Variants in STK3 observed in about 807,000 individuals in gnomAD.
The protein encoded by STK3 is serine/threonine-protein kinase 3.
In STK3, 41 loss-of-function variants were observed where a neutral mutation model predicts 58.0. The ratio of observed to expected loss-of-function variants is 0.71; its 90% CI spans 0.55 to 0.92. STK3 has a LOEUF of 0.92. Ranked by LOEUF, STK3 falls within the 40% of genes least tolerant of loss-of-function variation. The pLI is 0.00. For missense variants in STK3, 479 were observed against 602.7 expected, an observed-to-expected ratio of 0.79 and a Z score of 2.15; for synonymous variants, 170 against 191.0, an observed-to-expected ratio of 0.89 and a Z score of 0.91.
At chr8:98,891,626 T>TGAGAGAGA (rs56830700) in intron 1 of STK3, among the ~76,000 whole-genome samples, 3 of 148,354 alleles carry the variant, frequency 2.0e-5, no homozygotes, top group Non-Finnish European at 4.5e-5. Context: ...TGTGTGTGTG[T>TGAGAGAGA]GAGAGAGAGA....
At chr8:98,466,803 A>C (rs144392929) in intron 10 of STK3, among the ~76,000 whole-genome samples, 106 of 152,156 alleles carry the variant, frequency 7.0e-4, no homozygotes, top group African/African-American at 2.3e-3. Context: ...TGAGTTAGAT[A>C]TTGTCTCCTC....
At chr8:98,707,771 C>T (rs1037737645) in intron 4 of STK3, among the ~76,000 whole-genome samples, 2 of 152,016 alleles carry the variant, frequency 1.3e-5, no homozygotes, top group African/African-American at 4.8e-5. Context: ...TAATCGAGAA[C>T]CTCTTCTTCC....
At chr8:98,388,494 C>A (rs1817815248), upstream of STK3, among the ~76,000 whole-genome samples, 1 of 152,186 alleles carries the variant, frequency 6.6e-6, no homozygotes, top group African/African-American at 2.4e-5. Flanking sequence ...CACACACCAC[C>A]ACTTATGAAG....
intron 3 of STK3, among the ~76,000 whole-genome samples, chr8:98,863,806 T>C (rs1203774936): frequency 6.6e-6 from 1 of 152,162 alleles, no homozygotes; most frequent in Admixed American, 6.5e-5. Context: ...TAGCAAACTA[T>C]ATTTTCCAGC....
rs868297101 is a variant in STK3, at chr8:98,614,887, G to A, written c.685-18718C>T. ...AAGGCGGCAGCTAGGCTGGGGGAGGGGAGCCCGCCATTGCCCGGGCTTGCT... is the reference window on the plus strand; with the variant it reads ...AAGGCGGCAGCTAGGCTGGGGGAGGAGAGCCCGCCATTGCCCGGGCTTGCT... On this transcript the variant is annotated intron_variant, in intron 6 of 10. Coordinates refer to ENST00000419617, the MANE Select transcript of STK3 (RefSeq NM_006281.4). Among the ~76,000 whole-genome samples, 53 of 152,168 alleles carry A rather than the reference G, an allele frequency of 3.5e-4. 1 individual carries two copies. Among genetic ancestry groups the A allele is most frequent in the Middle Eastern group, 3.2e-3 (1 of 316 alleles).
chr8:98,864,770 T>A (rs1378253768), intron 3 of STK3, among the ~76,000 whole-genome samples: 5 of 152,196 alleles, frequency 3.3e-5, no homozygotes, highest in African/African-American at 1.2e-4. Flanking sequence ...ATCTGTCACA[T>A]AACACTCTGA....
chr8:98,563,987 AG>A (rs1812268884), intron 8 of STK3, among the ~76,000 whole-genome samples: 3 of 152,146 alleles, frequency 2.0e-5, no homozygotes, highest in African/African-American at 7.2e-5. Flanking sequence ...TTCCTTCCAA[AG>A]AGTACAGTAT....
At chr8:98,762,694 T>C (rs954045679) in intron 3 of STK3, among the ~76,000 whole-genome samples, 13 of 152,248 alleles carry the variant, frequency 8.5e-5, no homozygotes, top group African/African-American at 3.1e-4. Context: ...TTTATCTTTG[T>C]TTAGATATGA....
At chr8:98,921,903 A>AGGCT (rs1414389424) in intron 1 of STK3, among the ~76,000 whole-genome samples, 1 of 152,158 alleles carries the variant, frequency 6.6e-6, no homozygotes, top group Non-Finnish European at 1.5e-5. Flanking sequence ...CATGTTGGCC[A>AGGCT]GGCTGGTCTT....
intron 10 of STK3, among the ~76,000 whole-genome samples, chr8:98,480,347 T>C: frequency 6.6e-6 from 1 of 152,194 alleles, no homozygotes; most frequent in East Asian, 1.9e-4. Context: ...GGACTTCTCT[T>C]TAGAAAATAT....
At chr8:98,649,293 T>C (rs1820679451) in intron 6 of STK3, among the ~76,000 whole-genome samples, 1 of 152,182 alleles carries the variant, frequency 6.6e-6, no homozygotes, top group South Asian at 2.1e-4. Context: ...ACCTACCGCT[T>C]ATCTATTGAG....
chr8:98,900,118 C>T (rs1838598754), intron 1 of STK3, among the ~76,000 whole-genome samples: 1 of 152,186 alleles, frequency 6.6e-6, no homozygotes, highest in African/African-American at 2.4e-5. Flanking sequence ...CCTCTGTCGC[C>T]CAGGCTGGAG....
intron 3 of STK3, among the ~76,000 whole-genome samples, chr8:98,753,017 T>G (rs1355885587): frequency 6.6e-6 from 1 of 151,512 alleles, no homozygotes; most frequent in Non-Finnish European, 1.5e-5. Context: ...GGTGGGAGTG[T>G]AAATTAGTTC....
intron 3 of STK3, among the ~76,000 whole-genome samples, chr8:98,846,857 AC>A (rs1836226720): frequency 2.0e-5 from 2 of 99,918 alleles, no homozygotes; most frequent in African/African-American, 9.7e-5. Context: ...TCAGGATCCT[AC>A]ACACACACAC....
chr8:98,532,957 G>GT (rs111444199), intron 9 of STK3, among the ~76,000 whole-genome samples: 21 of 151,136 alleles, frequency 1.4e-4, no homozygotes, highest in East Asian at 5.8e-4. Flanking sequence ...GTTTTTCTTT[G>GT]TTTTTTTTAT....
At chr8:98,508,488 G>C (rs964042260) in intron 10 of STK3, among the ~76,000 whole-genome samples, 1 of 152,058 alleles carries the variant, frequency 6.6e-6, no homozygotes, top group African/African-American at 2.4e-5. Context: ...GGGAGGAAAT[G>C]GGAAGTGACT....
chr8:98,525,738 A>G (rs1825697686), intron 10 of STK3, among the ~76,000 whole-genome samples: 1 of 152,044 alleles, frequency 6.6e-6, no homozygotes, highest in Non-Finnish European at 1.5e-5. Context: ...TTTATTGGGG[A>G]TAGATTTTGA....
intron 6 of STK3, among the ~76,000 whole-genome samples, chr8:98,640,354 T>C (rs1366242478): frequency 6.6e-6 from 1 of 152,190 alleles, no homozygotes; most frequent in Admixed American, 6.6e-5. Context: ...CTGACCTCCA[T>C]ATTCATTTTA....
chr8:98,633,589 C>T, intron 6 of STK3: 1 of 744,026 alleles, frequency 1.3e-6, no homozygotes, highest in Non-Finnish European at 2.5e-6. Context: ...GTCTTTCAGT[C>T]AGCAGTCTCA....
Sources: gnomAD v4.1 joint callset for allele counts (sites outside exome capture counted in the v4.1 genomes callset) on GRCh38, gnomAD v4.1.1 for gene constraint, MANE v1.5 for transcripts, NCBI Gene and HGNC (gene_info 2026-07-23, HGNC 2026-07-21) for gene names.